The following RGS5 variants were observed in gnomAD, a reference collection of about 807,000 sequenced individuals.
RGS5 encodes regulator of G protein signaling 5, also known as regulator of G-protein signalling 5.
A neutral mutation model predicts 18.9 loss-of-function variants in RGS5; 20 were observed. The ratio of observed to expected loss-of-function variants is 1.06; its 90% CI spans 0.74 to 1.54. The LOEUF (loss-of-function observed/expected upper bound fraction) is 1.54, where lower values mean the gene tolerates loss of function less well. RGS5 is among the 40% of genes most tolerant of loss of function. The pLI is 0.00. For synonymous variants in RGS5, 57 were observed against 76.2 expected, an observed-to-expected ratio of 0.75 and a Z score of 1.31; for missense variants, 201 against 211.8, an observed-to-expected ratio of 0.95 and a Z score of 0.32.
intron 2 of RGS5, among the ~76,000 whole-genome samples, chr1:163,246,484 T>A (rs1195884427): frequency 1.3e-5 from 2 of 149,732 alleles, no homozygotes; most frequent in Non-Finnish European, 3.0e-5. Flanking sequence ...GGCAGGAGAA[T>A]CGCTTGAACC....
chr1:163,278,056 C>T (rs1287825924), intron 2 of RGS5, among the ~76,000 whole-genome samples: 1 of 151,110 alleles, frequency 6.6e-6, no homozygotes. Flanking sequence ...TTTAAAATTT[C>T]AGAAAAAGAA....
intron 1 of RGS5, among the ~76,000 whole-genome samples, chr1:163,311,326 T>C (rs1468296585): frequency 2.0e-5 from 3 of 152,226 alleles, no homozygotes. Context: ...ATCAGCAATA[T>C]GGCTGTTCTG....
chr1:163,281,947 T>C (rs1043679078), intron 2 of RGS5, among the ~76,000 whole-genome samples: 1 of 151,982 alleles, frequency 6.6e-6, no homozygotes, highest in African/African-American at 2.4e-5. Flanking sequence ...ATTAAAGACC[T>C]GAAACTATAA....
At chr1:163,301,450 A>G (rs1649548139) in intron 2 of RGS5, among the ~76,000 whole-genome samples, 1 of 152,048 alleles carries the variant, frequency 6.6e-6, no homozygotes, top group Admixed American at 6.5e-5. Flanking sequence ...ATCCCACTTC[A>G]GCTTCCTGAG....
At chr1:163,212,520 C>G (rs142118317) in intron 1 of RGS5, 1 of 152,370 alleles carries the variant, frequency 6.6e-6, no homozygotes, top group African/African-American at 2.4e-5. Flanking sequence ...CAGGCACTGG[C>G]TCATCAGATA....
At chr1:163,316,418 A>G (rs1342119714) in intron 1 of RGS5, among the ~76,000 whole-genome samples, 1 of 152,174 alleles carries the variant, frequency 6.6e-6, no homozygotes, top group Non-Finnish European at 1.5e-5. Flanking sequence ...TCATCTTGCT[A>G]TTACTGTTCA....
At chr1:163,217,648 G>C, upstream of RGS5, 4 of 1,512,316 alleles carry the variant, frequency 2.6e-6, no homozygotes, top group Non-Finnish European at 3.5e-6. Flanking sequence ...TCCTGGGCTA[G>C]TGTTCCTTAG....
At chr1:163,207,305 G>A (rs572700929), upstream of RGS5, among the ~76,000 whole-genome samples, 60 of 152,218 alleles carry the variant, frequency 3.9e-4, no homozygotes, top group African/African-American at 1.4e-3. Flanking sequence ...ATTTCTAATT[G>A]TTTGCTTCTG....
chr1:163,163,042 G>A (rs1309115766), intron 2 of RGS5, among the ~76,000 whole-genome samples: 2 of 60,308 alleles, frequency 3.3e-5, no homozygotes, highest in African/African-American at 4.3e-5. Flanking sequence ...GATATTTCGG[G>A]GGGGGGGGTG....
intron 2 of RGS5, among the ~76,000 whole-genome samples, chr1:163,224,937 C>A (rs1647301454): frequency 6.6e-6 from 1 of 152,030 alleles, no homozygotes; most frequent in African/African-American, 2.4e-5. Context: ...AACCCCTTAT[C>A]AGATACATAG....
At chr1:163,193,524 T>G (rs1455129634) in intron 1 of RGS5, among the ~76,000 whole-genome samples, 2 of 152,146 alleles carry the variant, frequency 1.3e-5, no homozygotes, top group East Asian at 1.9e-4. Flanking sequence ...AAAACGCACA[T>G]GGATTAGCTG....
At chr1:163,177,574 A>G (rs1658609695) in intron 1 of RGS5, among the ~76,000 whole-genome samples, 2 of 152,260 alleles carry the variant, frequency 1.3e-5, no homozygotes, top group Admixed American at 1.3e-4. Flanking sequence ...TATCTCCCAG[A>G]TCCCTGATAT....
intron 1 of RGS5, chr1:163,212,700 G>A (rs1557907519): frequency 6.6e-6 from 1 of 152,166 alleles, no homozygotes; most frequent in Non-Finnish European, 1.5e-5. Context: ...GCTGTCCTGG[G>A]AGCCAATACA....
chr1:163,290,772 T>C (rs755115031), intron 2 of RGS5, among the ~76,000 whole-genome samples: 12 of 152,144 alleles, frequency 7.9e-5, no homozygotes, highest in Non-Finnish European at 1.6e-4. Flanking sequence ...TCCTCTTTCA[T>C]ATCTTCACTA....
At chr1:163,171,081 C>T (rs901862401) in intron 1 of RGS5, among the ~76,000 whole-genome samples, 11 of 152,082 alleles carry the variant, frequency 7.2e-5, no homozygotes, top group Non-Finnish European at 1.5e-5. Flanking sequence ...TCCAACCCAC[C>T]GCCCATGTTC....
chr1:163,215,995 G>A (rs1043930788), intron 1 of RGS5, among the ~76,000 whole-genome samples: 1 of 152,134 alleles, frequency 6.6e-6, no homozygotes, highest in Non-Finnish European at 1.5e-5. Flanking sequence ...GAAAAAGTTT[G>A]CCAGAGTCAG....
At chr1:163,256,373 A>T (rs1324726623) in intron 2 of RGS5, among the ~76,000 whole-genome samples, 3 of 152,148 alleles carry the variant, frequency 2.0e-5, no homozygotes, top group Admixed American at 2.0e-4. Context: ...TGCTTCAAAG[A>T]GAATAAAATA....
At chr1:163,162,029 C>A (rs1657821237) in intron 2 of RGS5, 53 bp from the exon 3 acceptor site, 2 of 1,215,656 alleles carry the variant, frequency 1.6e-6, no homozygotes. Flanking sequence ...GGCATTGAAC[C>A]ACATGTACCA....
intron 2 of RGS5, among the ~76,000 whole-genome samples, chr1:163,228,417 T>TTTA (rs1363676847): frequency 6.6e-6 from 1 of 152,204 alleles, no homozygotes; most frequent in Non-Finnish European, 1.5e-5. Flanking sequence ...TCTGACCCCT[T>TTTA]TTAGCTATGG....
Sources: allele counts gnomAD v4.1 joint callset (sites outside exome capture counted in the v4.1 genomes callset), GRCh38; gene constraint gnomAD v4.1.1; transcripts MANE v1.5; gene names NCBI Gene and HGNC (gene_info 2026-07-23, HGNC 2026-07-21).